Variants in AFG2A observed in about 807,000 individuals in gnomAD.
AFG2A encodes AAA ATPase AFG2A, also known as ATPase family gene 2 protein homolog A.
the AFG2A span, among the ~76,000 whole-genome samples, chr4:123,254,225 C>T: frequency 6.6e-6 from 1 of 151,964 alleles, no homozygotes; most frequent in Admixed American, 6.6e-5. Context: ...ACCAGTTTGT[C>T]CATGTTTTTC....
At chr4:123,144,725 A>G in the AFG2A span, among the ~76,000 whole-genome samples, 1 of 152,144 alleles carries the variant, frequency 6.6e-6, no homozygotes. Flanking sequence ...TTTTTGAAAC[A>G]TAGGAAAAGT....
the AFG2A span, among the ~76,000 whole-genome samples, chr4:123,091,486 C>G: frequency 6.6e-6 from 1 of 152,216 alleles, no homozygotes; most frequent in Admixed American, 6.5e-5. Context: ...TTTATTCTTC[C>G]AGAGTTTTCA....
the AFG2A span, among the ~76,000 whole-genome samples, chr4:123,292,502 T>C: frequency 6.6e-6 from 1 of 152,214 alleles, no homozygotes; most frequent in African/African-American, 2.4e-5. Flanking sequence ...TACTTTTTCT[T>C]ACTATTTTTG....
At chr4:123,311,428 C>CT in the AFG2A span, among the ~76,000 whole-genome samples, 1 of 151,954 alleles carries the variant, frequency 6.6e-6, no homozygotes, top group Non-Finnish European at 1.5e-5. Flanking sequence ...GAGATCGAGA[C>CT]CATCCTGGCT....
At chr4:123,035,867 A>G in the AFG2A span, among the ~76,000 whole-genome samples, 3 of 152,164 alleles carry the variant, frequency 2.0e-5, no homozygotes, top group Admixed American at 6.5e-5. Context: ...GGATAATTTT[A>G]TAAGGAATTT....
At chr4:123,124,989 C>G in the AFG2A span, among the ~76,000 whole-genome samples, 1 of 152,140 alleles carries the variant, frequency 6.6e-6, no homozygotes, top group Non-Finnish European at 1.5e-5. Flanking sequence ...TGAGTTCTTA[C>G]GAACACCTTT....
chr4:123,043,214 A>G, the AFG2A span, among the ~76,000 whole-genome samples: 1 of 152,158 alleles, frequency 6.6e-6, no homozygotes, highest in Non-Finnish European at 1.5e-5. Flanking sequence ...TGTTTCTGAT[A>G]AGAAGTCAGC....
chr4:123,103,200 A>G, the AFG2A span, among the ~76,000 whole-genome samples: 1 of 152,076 alleles, frequency 6.6e-6, no homozygotes, highest in Admixed American at 6.6e-5. Context: ...TTAAGAGATA[A>G]TAGTTGAAGA....
chr4:123,216,916 C>T, the AFG2A span, among the ~76,000 whole-genome samples: 1 of 152,066 alleles, frequency 6.6e-6, no homozygotes, highest in Non-Finnish European at 1.5e-5. Context: ...GTGGTCCTTC[C>T]ACCTTGGCTT....
At chr4:123,145,768 T>C in the AFG2A span, among the ~76,000 whole-genome samples, 1 of 152,122 alleles carries the variant, frequency 6.6e-6, no homozygotes, top group African/African-American at 2.4e-5. Context: ...TATATCCTTT[T>C]GGTATATTGG....
At chr4:123,016,515 T>C in the AFG2A span, among the ~76,000 whole-genome samples, 1 of 144,618 alleles carries the variant, frequency 6.9e-6, no homozygotes, top group African/African-American at 2.6e-5. Flanking sequence ...CCCCACATCT[T>C]AGACGATGGG....
the AFG2A span, among the ~76,000 whole-genome samples, chr4:123,143,415 T>C: frequency 6.6e-6 from 1 of 152,082 alleles, no homozygotes; most frequent in African/African-American, 2.4e-5. Flanking sequence ...ATTTGATAAT[T>C]AACGTATATC....
chr4:122,960,477 T>C, the AFG2A span, among the ~76,000 whole-genome samples: 1 of 152,198 alleles, frequency 6.6e-6, no homozygotes, highest in Non-Finnish European at 1.5e-5. Flanking sequence ...TAAATAGATC[T>C]TGATTTCTTC....
At chr4:123,311,102 A>G in the AFG2A span, among the ~76,000 whole-genome samples, 1 of 152,176 alleles carries the variant, frequency 6.6e-6, no homozygotes, top group African/African-American at 2.4e-5. Context: ...CAAGTTTTCT[A>G]TATCTCAAGT....
the AFG2A span, among the ~76,000 whole-genome samples, chr4:123,122,076 C>T: frequency 1.3e-5 from 2 of 152,116 alleles, no homozygotes; most frequent in Admixed American, 6.5e-5. Context: ...TGTTTTGCTG[C>T]CTCACCGATT....
At chr4:123,193,510 T>A in the AFG2A span, among the ~76,000 whole-genome samples, 1 of 152,236 alleles carries the variant, frequency 6.6e-6, no homozygotes, top group African/African-American at 2.4e-5. Flanking sequence ...AATCTTTACT[T>A]TTAAAGCACT....
chr4:123,282,657 G>A, the AFG2A span, among the ~76,000 whole-genome samples: 3 of 152,066 alleles, frequency 2.0e-5, no homozygotes, highest in East Asian at 1.9e-4. Context: ...CACAGCCACC[G>A]CTGTGAGACA....
the AFG2A span, among the ~76,000 whole-genome samples, chr4:123,099,633 ATAG>A: frequency 5.3e-5 from 8 of 151,882 alleles, no homozygotes; most frequent in African/African-American, 1.9e-4. Context: ...AACTTAAATA[ATAG>A]TAGGGAGGCT....
the AFG2A span, among the ~76,000 whole-genome samples, chr4:122,953,403 A>G: frequency 1.3e-5 from 2 of 152,204 alleles, no homozygotes; most frequent in Non-Finnish European, 2.9e-5. Context: ...ATGTCACCAT[A>G]TATGAAAGTG....
Sources: gnomAD v4.1 joint callset for allele counts (sites outside exome capture counted in the v4.1 genomes callset) on GRCh38, gnomAD v4.1.1 for gene constraint, MANE v1.5 for transcripts, NCBI Gene and HGNC (gene_info 2026-07-23, HGNC 2026-07-21) for gene names.